The following RANBP2 variants were observed in gnomAD, a reference collection of about 807,000 sequenced individuals.
The protein encoded by RANBP2 is E3 SUMO-protein ligase RanBP2.
A neutral mutation model predicts 303.6 loss-of-function variants in RANBP2; 57 were observed. That is an observed-to-expected ratio of 0.19 (90% CI 0.15 to 0.23). The LOEUF is 0.23. Ranked by LOEUF, RANBP2 falls within the 10% of genes least tolerant of loss-of-function variation. The pLI is 1.00. For missense variants in RANBP2, 3,138 were observed against 3,780.8 expected (o/e 0.83, Z 4.46); for synonymous variants, 1,167 against 1,301.5 (o/e 0.90, Z 2.23).
the RANBP2 span, among the ~76,000 whole-genome samples, chr2:108,935,515 G>A: frequency 6.6e-6 from 1 of 152,206 alleles, no homozygotes; most frequent in African/African-American, 2.4e-5. Flanking sequence ...CTGAGGTGGG[G>A]AGAGAATGTT....
the RANBP2 span, among the ~76,000 whole-genome samples, chr2:109,676,088 T>C: frequency 1.3e-5 from 2 of 152,256 alleles, no homozygotes; most frequent in African/African-American, 4.8e-5. Context: ...AGTCTTGCTC[T>C]GTGTGTGAAG....
the RANBP2 span, among the ~76,000 whole-genome samples, chr2:108,867,167 TTAAG>T: frequency 1.3e-5 from 2 of 152,126 alleles, no homozygotes; most frequent in Non-Finnish European, 2.9e-5. Context: ...CTCTGAGAAA[TTAAG>T]TGACTTATTT....
chr2:108,764,971 A>G lies in RANBP2; in HGVS notation c.4432A>G (p.Thr1478Ala), dbSNP rs763108355. 3 of 1,614,108 alleles carry G rather than the reference A, an allele frequency of 1.9e-6. No homozygotes were observed. The African/African-American group carries it at 4.0e-5, about 22-fold the overall frequency. ...CAGTGATTTCAGATCTGTTTTTTCT[A>G]CAAAGGAAGGACAGTGGGATTGCAG... Reference protein sequence around the residue: ...INSDFRSVFSTKEGQWDCSAC... With the variant: ...INSDFRSVFSAKEGQWDCSAC... The change falls in exon 20 of 29, where the codon ACA (threonine) becomes GCA (alanine). Residue 1478 changes from threonine (T) to alanine (A), a missense_variant. Thr to Ala is a moderately conservative substitution (Grantham distance 58, BLOSUM62 0). This residue lies in a region of RANBP2 where 388 missense variants were observed against 328.5 expected (regional missense o/e 1.18). Coordinates refer to ENST00000283195, the MANE Select transcript of RANBP2 (RefSeq NM_006267.5).
chr2:109,036,094 T>G, the RANBP2 span, among the ~76,000 whole-genome samples: 3 of 151,830 alleles, frequency 2.0e-5, no homozygotes, highest in African/African-American at 7.3e-5. Context: ...GAAAGAAAAC[T>G]TAAGAGAACT....
At chr2:109,627,674 A>G in the RANBP2 span, among the ~76,000 whole-genome samples, 3 of 152,250 alleles carry the variant, frequency 2.0e-5, no homozygotes, top group African/African-American at 4.8e-5. Context: ...GATCTTCTTC[A>G]CAAGGGTGAC....
At chr2:109,108,402 C>A in the RANBP2 span, among the ~76,000 whole-genome samples, 2 of 152,172 alleles carry the variant, frequency 1.3e-5, no homozygotes, top group East Asian at 3.9e-4. Context: ...CATAGTTCAT[C>A]ATTTAAACCA....
chr2:108,936,932 C>A, the RANBP2 span, among the ~76,000 whole-genome samples: 1 of 152,334 alleles, frequency 6.6e-6, no homozygotes, highest in Admixed American at 6.5e-5. Context: ...GATTTCTGAC[C>A]CATTTCCATT....
At chr2:109,318,289 G>A in the RANBP2 span, among the ~76,000 whole-genome samples, 2 of 152,004 alleles carry the variant, frequency 1.3e-5, no homozygotes, top group South Asian at 2.1e-4. Flanking sequence ...ATTTCCATGC[G>A]ACTGCTCCTC....
At chr2:109,678,753 G>T in the RANBP2 span, among the ~76,000 whole-genome samples, 1 of 152,118 alleles carries the variant, frequency 6.6e-6, no homozygotes, top group African/African-American at 2.4e-5. Flanking sequence ...ATGGGAGAAG[G>T]TTCGCAGGCG....
the RANBP2 span, chr2:109,449,277 T>A: frequency 6.2e-7 from 1 of 1,610,954 alleles, no homozygotes. Context: ...CAGGCCCCAC[T>A]CGGTGGTGTC....
chr2:109,053,735 T>C, the RANBP2 span, among the ~76,000 whole-genome samples: 1 of 152,228 alleles, frequency 6.6e-6, no homozygotes, highest in Non-Finnish European at 1.5e-5. Flanking sequence ...ACCTGCTTCC[T>C]AGGCTGCTGC....
chr2:109,494,951 T>G, the RANBP2 span, among the ~76,000 whole-genome samples: 82 of 151,972 alleles, frequency 5.4e-4, no homozygotes, highest in African/African-American at 2.0e-3. Flanking sequence ...GGGAGTGTAC[T>G]GTGAGCAGCA....
the RANBP2 span, chr2:108,794,814 A>G: frequency 1.0e-6 from 1 of 982,412 alleles, no homozygotes; most frequent in Non-Finnish European, 1.5e-6. Flanking sequence ...TTTCATTTTA[A>G]TTACTTTAGA....
At chr2:109,060,071 CT>C in the RANBP2 span, among the ~76,000 whole-genome samples, 1 of 152,084 alleles carries the variant, frequency 6.6e-6, no homozygotes, top group East Asian at 1.9e-4. Context: ...GACAATGTGT[CT>C]TTTTGAGGCA....
At chr2:109,203,364 G>A in the RANBP2 span, among the ~76,000 whole-genome samples, 1 of 152,230 alleles carries the variant, frequency 6.6e-6, no homozygotes, top group African/African-American at 2.4e-5. Context: ...ATGCTGCCCT[G>A]TTGTGAGACG....
chr2:109,633,394 AAAAACAAAAC>A, the RANBP2 span, among the ~76,000 whole-genome samples: 983 of 150,866 alleles, frequency 6.5e-3, 7 homozygotes, highest in African/African-American at 0.019. Context: ...CTCCATCTCA[AAAAACAAAAC>A]AAAACAAAAC....
the RANBP2 span, among the ~76,000 whole-genome samples, chr2:109,321,598 G>A: frequency 6.6e-6 from 1 of 152,218 alleles, no homozygotes; most frequent in South Asian, 2.1e-4. Context: ...ATCAATAGAG[G>A]ATTACATTTT....
chr2:108,719,488 G>T lies in RANBP2; in HGVS notation c.-119G>T. The T allele has an allele frequency of 1.3e-6, 2 of 1,497,536 alleles. No homozygotes were observed. Among genetic ancestry groups the T allele is most frequent in the Non-Finnish European group, 1.8e-6 (2 of 1,110,704 alleles). 92.8% of individuals were successfully genotyped at this position (1,497,536 alleles called of 1,614,324 possible). A position where few individuals can be genotyped will look rare whatever the true frequency, so the allele number is the denominator to read the frequency against. ...GCTGCGCCGCAAGTTCGTCACAGTG[G>T]TCCTCCGCCGGCTACGGCGCTGCGT... On this transcript the variant is annotated 5_prime_UTR_variant, in exon 1 of 29. Coordinates refer to ENST00000283195, the MANE Select transcript of RANBP2 (RefSeq NM_006267.5).
At chr2:109,336,017 A>G in the RANBP2 span, among the ~76,000 whole-genome samples, 3 of 152,230 alleles carry the variant, frequency 2.0e-5, no homozygotes, top group Admixed American at 6.5e-5. Flanking sequence ...GTGACTGGCA[A>G]CATCTGGAAC....
Sources: allele counts gnomAD v4.1 joint callset (sites outside exome capture counted in the v4.1 genomes callset), GRCh38; gene constraint gnomAD v4.1.1; regional missense constraint gnomAD v4.1.1; transcripts MANE v1.5; gene names NCBI Gene and HGNC (gene_info 2026-07-23, HGNC 2026-07-21).